SLC39A12: variants seen among roughly 807,000 people sequenced by gnomAD.
The protein encoded by SLC39A12 is solute carrier family 39 member 12, also known as zinc transporter ZIP12.
In SLC39A12, 63 loss-of-function variants were observed where a neutral mutation model predicts 71.1. The observed-to-expected ratio is 0.89, with a 90% CI of 0.72 to 1.09. SLC39A12 has a LOEUF of 1.09. SLC39A12 is among the 50% of genes least tolerant of loss of function. The pLI is 0.00. For synonymous variants in SLC39A12, 351 were observed against 301.3 expected, an observed-to-expected ratio of 1.16 and a Z score of -1.71; for missense variants, 892 against 812.6, an observed-to-expected ratio of 1.10 and a Z score of -1.19.
chr10:17,984,570 A>G (rs561250192), intron 6 of SLC39A12, among the ~76,000 whole-genome samples: 84 of 152,358 alleles, frequency 5.5e-4, no homozygotes, highest in Admixed American at 1.8e-3. Context: ...TGGCATTCCC[A>G]TATAGAGTCT....
intron 2 of SLC39A12, among the ~76,000 whole-genome samples, chr10:17,960,314 T>C (rs1834655386): frequency 6.6e-6 from 1 of 152,330 alleles, no homozygotes; most frequent in African/African-American, 2.4e-5. Context: ...GGGAAACTTA[T>C]GCCCTGCTTT....
At chr10:18,026,467 T>C (rs573583345) in intron 12 of SLC39A12, among the ~76,000 whole-genome samples, 1 of 152,282 alleles carries the variant, frequency 6.6e-6, no homozygotes, top group South Asian at 2.1e-4. Flanking sequence ...ATCTGGTTTC[T>C]TTCATTTTCT....
chr10:18,028,158 T>C (rs1315129260), intron 12 of SLC39A12, among the ~76,000 whole-genome samples: 1 of 152,232 alleles, frequency 6.6e-6, no homozygotes, highest in Non-Finnish European at 1.5e-5. Flanking sequence ...GCATTCATAA[T>C]GCCAAAAGCT....
At chr10:17,986,083 A>G (rs1404381017) in intron 6 of SLC39A12, among the ~76,000 whole-genome samples, 1 of 152,218 alleles carries the variant, frequency 6.6e-6, no homozygotes, top group African/African-American at 2.4e-5. Context: ...ACACAAACAT[A>G]GGTCTACAAT....
intron 12 of SLC39A12, among the ~76,000 whole-genome samples, chr10:18,003,569 A>G (rs1441089726): frequency 1.3e-5 from 2 of 152,354 alleles, no homozygotes; most frequent in East Asian, 3.9e-4. Flanking sequence ...CATTTTCTGT[A>G]GTGTTAAAGT....
chr10:18,035,123 G>A (rs1448249505), intron 12 of SLC39A12, among the ~76,000 whole-genome samples: 4 of 146,294 alleles, frequency 2.7e-5, no homozygotes. Flanking sequence ...ACAATTATGT[G>A]TCTTGGAGTT....
chr10:17,953,076 C>T (rs552511), intron 1 of SLC39A12, 115 bp from the exon 2 acceptor site: 8 of 639,386 alleles, frequency 1.3e-5, no homozygotes, highest in South Asian at 2.1e-5. Flanking sequence ...TACAGACCCC[C>T]GCTGTGTAGA....
chr10:17,963,460 G>A (rs537159001), intron 3 of SLC39A12, among the ~76,000 whole-genome samples: 2 of 152,318 alleles, frequency 1.3e-5, no homozygotes, highest in South Asian at 2.1e-4. Flanking sequence ...AGCAGCCCCA[G>A]AACAGAATAA....
intron 4 of SLC39A12, among the ~76,000 whole-genome samples, chr10:17,975,374 G>T (rs1350775876): frequency 6.6e-6 from 1 of 152,202 alleles, no homozygotes; most frequent in African/African-American, 2.4e-5. Flanking sequence ...GAGCTCTTCA[G>T]TTAGCAGGTG....
At chr10:17,987,737 T>C in intron 7 of SLC39A12, 86 bp downstream of exon 7, 1 of 1,407,644 alleles carries the variant, frequency 7.1e-7, no homozygotes, top group Non-Finnish European at 9.8e-7. Flanking sequence ...AAAATTTTAC[T>C]GAGACTTCAA....
chr10:17,980,859 G>A (rs546008823), intron 5 of SLC39A12, among the ~76,000 whole-genome samples: 3 of 152,164 alleles, frequency 2.0e-5, no homozygotes, highest in Admixed American at 1.3e-4. Flanking sequence ...AAAAGTACAC[G>A]TTGCCTACAC....
At chr10:18,023,979 G>A (rs958344355) in intron 12 of SLC39A12, among the ~76,000 whole-genome samples, 5 of 152,154 alleles carry the variant, frequency 3.3e-5, no homozygotes, top group African/African-American at 1.2e-4. Context: ...TAGACCCTTT[G>A]CTCTAACTGC....
At chr10:18,008,304 C>T (rs1187905275) in intron 12 of SLC39A12, among the ~76,000 whole-genome samples, 3 of 152,062 alleles carry the variant, frequency 2.0e-5, no homozygotes, top group African/African-American at 4.8e-5. Context: ...TTGTGAACTG[C>T]GCATGTGAGG....
chr10:18,028,200 T>G (rs1385833725), intron 12 of SLC39A12, among the ~76,000 whole-genome samples: 1 of 152,206 alleles, frequency 6.6e-6, no homozygotes, highest in Non-Finnish European at 1.5e-5. Context: ...ATACTTAAAG[T>G]ACAACCTTAC....
chr10:17,954,006 G>T (rs1171239519), intron 2 of SLC39A12, among the ~76,000 whole-genome samples: 3 of 152,126 alleles, frequency 2.0e-5, no homozygotes, highest in Admixed American at 6.5e-5. Context: ...TTAATGATTG[G>T]ATAATCATCT....
chr10:18,036,763 TATATATATATATA>T (rs1837041439), intron 12 of SLC39A12, among the ~76,000 whole-genome samples: 2 of 8,704 alleles, frequency 2.3e-4, no homozygotes, highest in African/African-American at 4.2e-4. Context: ...TATATATATA[TATATATATATATA>T]TATATATATA....
At chr10:18,026,775 A>G (rs1250531497) in intron 12 of SLC39A12, among the ~76,000 whole-genome samples, 1 of 152,034 alleles carries the variant, frequency 6.6e-6, no homozygotes, top group Non-Finnish European at 1.5e-5. Context: ...AAGCTCAAAG[A>G]TTCTCTCTTT....
chr10:17,988,519 C>T (rs1231800549), intron 7 of SLC39A12, among the ~76,000 whole-genome samples: 1 of 152,154 alleles, frequency 6.6e-6, no homozygotes, highest in Admixed American at 6.5e-5. Flanking sequence ...ACCAGGAGCC[C>T]ATTAAACCTC....
At chr10:18,025,963 C>A (rs952490426) in intron 12 of SLC39A12, among the ~76,000 whole-genome samples, 1 of 152,128 alleles carries the variant, frequency 6.6e-6, no homozygotes, top group African/African-American at 2.4e-5. Flanking sequence ...GTGCCAATAC[C>A]TTGTATAAAA....
Sources: allele counts gnomAD v4.1 joint callset (sites outside exome capture counted in the v4.1 genomes callset), GRCh38; gene constraint gnomAD v4.1.1; transcripts MANE v1.5; gene names NCBI Gene and HGNC (gene_info 2026-07-23, HGNC 2026-07-21).